Variants in USP28 observed in about 807,000 individuals in gnomAD.
USP28 encodes ubiquitin specific peptidase 28.
A neutral mutation model predicts 145.0 loss-of-function variants in USP28; 113 were observed. The observed-to-expected ratio is 0.78, with a 90% CI of 0.67 to 0.91. The LOEUF (loss-of-function observed/expected upper bound fraction) is 0.91. Ranked by LOEUF, USP28 falls within the 40% of genes least tolerant of loss-of-function variation. The pLI is 0.00. For missense variants in USP28, 1,201 were observed against 1,289.6 expected (o/e 0.93, Z 1.05); for synonymous variants, 447 against 450.9 (o/e 0.99, Z 0.11).
At chr11:113,864,799 T>C (rs1948099538) in intron 1 of USP28, among the ~76,000 whole-genome samples, 1 of 152,224 alleles carries the variant, frequency 6.6e-6, no homozygotes, top group South Asian at 2.1e-4. Flanking sequence ...TTTGACCAAA[T>C]GTCTGCATAC....
chr11:113,822,486 GA>G (rs1942769610), intron 12 of USP28: 1 of 142,714 alleles, frequency 7.0e-6, no homozygotes, highest in Non-Finnish European at 1.6e-5. Context: ...GAGAGAGAGA[GA>G]GAGAGAGAGA....
At chr11:113,818,370 C>G (rs1942078746) in intron 12 of USP28, among the ~76,000 whole-genome samples, 1 of 152,048 alleles carries the variant, frequency 6.6e-6, no homozygotes, top group Non-Finnish European at 1.5e-5. Flanking sequence ...CCAGGATGGT[C>G]TCGATCTCCT....
At chr11:113,825,009 A>G (rs1422997287) in intron 11 of USP28, among the ~76,000 whole-genome samples, 6 of 152,100 alleles carry the variant, frequency 3.9e-5, no homozygotes, top group Non-Finnish European at 7.4e-5. Context: ...CAAAATCCCA[A>G]TAGCCACTGG....
intron 5 of USP28, chr11:113,835,304 C>T (rs954748291): frequency 3.3e-5 from 15 of 455,846 alleles, no homozygotes; most frequent in East Asian, 2.1e-4. Context: ...CAGGCCTGCA[C>T]GGTGGAACTC....
intron 1 of USP28, among the ~76,000 whole-genome samples, chr11:113,865,432 A>G (rs1405045846): frequency 6.6e-6 from 1 of 152,218 alleles, no homozygotes; most frequent in Non-Finnish European, 1.5e-5. Context: ...CACACTTCTT[A>G]TATCAAAACT....
At chr11:113,815,054 C>CG (rs1281638106) in intron 14 of USP28, 120 bp downstream of exon 14, 44 of 878,850 alleles carry the variant, frequency 5.0e-5, no homozygotes, top group South Asian at 1.9e-4. Flanking sequence ...TCCATCTCGG[C>CG]GGGGGGGAAA....
chr11:113,867,357 C>A (rs1565512826), intron 1 of USP28, among the ~76,000 whole-genome samples: 1 of 151,960 alleles, frequency 6.6e-6, no homozygotes, highest in Non-Finnish European at 1.5e-5. Flanking sequence ...ACCGCTGCCT[C>A]CCGGGTTCAA....
At chr11:113,843,922 C>CA (rs1208812084) in intron 3 of USP28, among the ~76,000 whole-genome samples, 4 of 152,148 alleles carry the variant, frequency 2.6e-5, no homozygotes, top group Admixed American at 6.5e-5. Flanking sequence ...ACACCACATG[C>CA]AAAAGAATAA....
At chr11:113,812,244 C>A in intron 16 of USP28, 32 bp downstream of exon 16, 1 of 1,576,368 alleles carries the variant, frequency 6.3e-7, no homozygotes, top group South Asian at 1.1e-5. Flanking sequence ...CAGATTTTCC[C>A]CAATCTATAG....
intron 1 of USP28, chr11:113,875,027 T>A (rs1949231857): frequency 1.5e-6 from 1 of 653,868 alleles, no homozygotes; most frequent in Admixed American, 6.2e-5. Flanking sequence ...AACTTCGGTC[T>A]GCTTTAACCT....
intron 22 of USP28, 117 bp from the exon 24 acceptor site, chr11:113,803,398 G>A: frequency 1.7e-6 from 2 of 1,186,164 alleles, no homozygotes; most frequent in Non-Finnish European, 1.2e-6. Context: ...AAAAGTGAAG[G>A]ACCAAAGACC....
intron 24 of USP28, among the ~76,000 whole-genome samples, chr11:113,800,987 C>T (rs763903247): frequency 6.6e-5 from 10 of 151,900 alleles, no homozygotes; most frequent in Non-Finnish European, 1.3e-4. Flanking sequence ...GGATTACAGG[C>T]GCCCATGACC....
chr11:113,817,988 A>G, intron 12 of USP28, 151 bp from the exon 13 acceptor site: 1 of 715,462 alleles, frequency 1.4e-6, no homozygotes. Flanking sequence ...AACAATCTAT[A>G]GGGTAAAAAT....
exon 4 of USP28, chr11:113,841,758 G>A (rs112058899): frequency 2.4e-5 from 39 of 1,610,692 alleles, no homozygotes; most frequent in Middle Eastern, 1.7e-4. Context: ...CATGAGTAAG[G>A]TCTATAACTT....
Position 113,801,492 on chromosome 11 carries a change from C to T in USP28, c.3049G>A (p.Asp1017Asn), listed in dbSNP as rs1159770485. 2.5e-6 allele frequency: 4 copies of T among 1,578,682 alleles called. No individual in the cohort carries two copies. In the African/African-American group the frequency reaches 5.4e-5, roughly 21 times the overall value. Residue 1017 changes from aspartate to asparagine, a missense_variant, in exon 24 of 25, where the codon GAT becomes AAT. Transcript: ENST00000003302. The stretch of plus-strand genomic sequence containing the variant: ...TACCAAGAGCATATACCTGCAATAT[C>T]TTGCCCAAGGTAAGAGCACCAATGG...
intron 1 of USP28, among the ~76,000 whole-genome samples, chr11:113,864,240 C>CA (rs922098402): frequency 8.0e-4 from 121 of 150,688 alleles, no homozygotes; most frequent in African/African-American, 2.8e-3. Context: ...GACTCTGTCT[C>CA]AAAAAAAAGG....
rs112730054 is a variant in USP28 at position 113,830,584 on chromosome 11, G to C, written c.910+283C>G. 9.5e-3 allele frequency among the ~76,000 whole-genome samples: 1,442 copies of C among 152,216 alleles called. 25 individuals are homozygous for C. The highest frequency in any genetic ancestry group is 0.033 in the African/African-American group (1,355 of 41,530). On this transcript the variant is annotated intron_variant, in intron 9 of 24. Transcript: ENST00000003302. The stretch of plus-strand genomic sequence containing the variant: ...TAGAATAAGCAACACAGAGAAAACC[G>C]AGTAAAATCACTATCTGACATTAAT...
chr11:113,840,730 A>G (rs1945100723), exon 5 of USP28: 3 of 1,614,188 alleles, frequency 1.9e-6, no homozygotes, highest in Non-Finnish European at 2.5e-6. Flanking sequence ...TTGAGCGTTT[A>G]GTTTCTGCAG....
chr11:113,859,639 C>T (rs74571546), intron 1 of USP28, among the ~76,000 whole-genome samples: 18,093 of 151,810 alleles, frequency 0.12, 1,089 homozygotes, highest in Middle Eastern at 0.17. Flanking sequence ...TACAGTAACA[C>T]TAAACCCATC....
Sources: gnomAD v4.1 joint callset for allele counts (sites outside exome capture counted in the v4.1 genomes callset) on GRCh38, gnomAD v4.1.1 for gene constraint, MANE v1.5 for transcripts, NCBI Gene and HGNC (gene_info 2026-07-23, HGNC 2026-07-21) for gene names.